MPZL1: variants seen among roughly 807,000 people sequenced by gnomAD.
The protein encoded by MPZL1 is myelin protein zero like 1, also known as myelin protein zero-like protein 1.
Under a neutral mutation model 29.3 loss-of-function variants are expected in MPZL1, and 16 were observed. The ratio of observed to expected loss-of-function variants is 0.55; its 90% CI spans 0.37 to 0.83. The LOEUF (loss-of-function observed/expected upper bound fraction) is 0.83, where lower values mean the gene tolerates loss of function less well. MPZL1 is among the 40% of genes least tolerant of loss of function. MPZL1 has a pLI of 0.00. For missense variants in MPZL1, 279 were observed against 332.9 expected (o/e 0.84, Z 1.26); for synonymous variants, 143 against 132.0 (o/e 1.08, Z -0.57).
intron 2 of MPZL1, among the ~76,000 whole-genome samples, chr1:167,771,315 G>A (rs1164859158): frequency 6.6e-6 from 1 of 152,104 alleles, no homozygotes; most frequent in African/African-American, 2.4e-5. Context: ...TGGGGGTAAG[G>A]TTTATAGATT....
intron 1 of MPZL1, among the ~76,000 whole-genome samples, chr1:167,728,362 C>CTTT (rs71097693): frequency 4.2e-5 from 5 of 117,670 alleles, no homozygotes; most frequent in South Asian, 2.7e-4. Context: ...TTCTTTCTTT[C>CTTT]TTTTTTTTTT....
chr1:167,760,737 G>T (rs1169897551), intron 1 of MPZL1, among the ~76,000 whole-genome samples: 1 of 144,718 alleles, frequency 6.9e-6, no homozygotes, highest in African/African-American at 2.6e-5. Flanking sequence ...TCCAAGCAAA[G>T]TTGAATAGGC....
intron 1 of MPZL1, among the ~76,000 whole-genome samples, chr1:167,741,223 T>G (rs1173293881): frequency 1.4e-5 from 2 of 140,478 alleles, no homozygotes; most frequent in Non-Finnish European, 3.1e-5. Flanking sequence ...GGTTTCGCTA[T>G]GTTGTCCAGG....
chr1:167,773,475 T>C, intron 4 of MPZL1, 107 bp downstream of exon 4: 1 of 1,318,808 alleles, frequency 7.6e-7, no homozygotes, highest in Non-Finnish European at 1.0e-6. Context: ...ACTACTATTT[T>C]CTTTCATGTC....
At chr1:167,736,528 T>C (rs896374839) in intron 1 of MPZL1, among the ~76,000 whole-genome samples, 4 of 152,170 alleles carry the variant, frequency 2.6e-5, no homozygotes, top group Non-Finnish European at 5.9e-5. Context: ...CACTCGCTAT[T>C]GTTATTGCTT....
At chr1:167,761,185 C>T (rs557429471) in intron 1 of MPZL1, among the ~76,000 whole-genome samples, 1 of 152,148 alleles carries the variant, frequency 6.6e-6, no homozygotes, top group African/African-American at 2.4e-5. Context: ...ACAGTTCTTT[C>T]AAGATTGATA....
intron 5 of MPZL1, among the ~76,000 whole-genome samples, chr1:167,779,022 T>C (rs1661432880): frequency 6.6e-6 from 1 of 151,754 alleles, no homozygotes; most frequent in Non-Finnish European, 1.5e-5. Context: ...CTCAGGAGGC[T>C]GAGGCAAGAA....
rs78701706 is a variant in MPZL1 at position 167,736,511 on chromosome 1, G to A, written c.91+14269G>A. Among the ~76,000 whole-genome samples the A allele has an allele frequency of 3.0e-3, 449 of 152,052 alleles. 4 individuals are homozygous for A. Among genetic ancestry groups the A allele is most frequent in the Non-Finnish European group, 4.9e-3 (330 of 67,988 alleles). ...CTCCTCCTCAAACTGTGCTTCCTCC[G>A]GCATGCCACTCGCTATTGTTATTGC... is the stretch of plus-strand genomic sequence containing the variant. On this transcript the variant is annotated intron_variant, in intron 1 of 5. Coordinates refer to ENST00000359523, the MANE Select transcript of MPZL1 (RefSeq NM_003953.6).
intron 2 of MPZL1, among the ~76,000 whole-genome samples, chr1:167,768,000 T>C (rs1420655330): frequency 6.6e-6 from 1 of 152,110 alleles, no homozygotes; most frequent in East Asian, 1.9e-4. Context: ...TCTAGCTTTT[T>C]GTCAGCCTTC....
At chr1:167,728,584 G>A (rs1451397477) in intron 1 of MPZL1, among the ~76,000 whole-genome samples, 3 of 151,882 alleles carry the variant, frequency 2.0e-5, no homozygotes, top group Non-Finnish European at 4.4e-5. Context: ...ATCCCATTAG[G>A]CCTTTATCCA....
chr1:167,753,455 C>T (rs1660797856), intron 1 of MPZL1, among the ~76,000 whole-genome samples: 3 of 152,152 alleles, frequency 2.0e-5, no homozygotes, highest in Admixed American at 1.3e-4. Context: ...TCATTAAAAA[C>T]GTGTCCAAAG....
intron 1 of MPZL1, among the ~76,000 whole-genome samples, chr1:167,739,799 C>A (rs1477119349): frequency 6.6e-6 from 1 of 152,150 alleles, no homozygotes; most frequent in Non-Finnish European, 1.5e-5. Context: ...GCTCTCTTTC[C>A]TTACCCCTCT....
intron 1 of MPZL1, among the ~76,000 whole-genome samples, chr1:167,757,360 A>G (rs1012939839): frequency 6.6e-6 from 1 of 152,200 alleles, no homozygotes; most frequent in Non-Finnish European, 1.5e-5. Context: ...TAAAAAGTAA[A>G]TCTTTTATTG....
intron 2 of MPZL1, among the ~76,000 whole-genome samples, chr1:167,766,668 T>A (rs1238347069): frequency 6.6e-6 from 1 of 152,208 alleles, no homozygotes; most frequent in Non-Finnish European, 1.5e-5. Flanking sequence ...TGAGTTACAT[T>A]GTTGATCACC....
intron 1 of MPZL1, 51 bp downstream of exon 1, chr1:167,722,293 C>T (rs767453893): frequency 1.1e-5 from 13 of 1,232,586 alleles, no homozygotes; most frequent in African/African-American, 9.3e-5. Context: ...GCCCCCGGGC[C>T]CGACACACGC....
At chr1:167,771,757 T>C (rs920433009) in intron 2 of MPZL1, among the ~76,000 whole-genome samples, 2 of 152,076 alleles carry the variant, frequency 1.3e-5, no homozygotes, top group Non-Finnish European at 2.9e-5. Flanking sequence ...CTTAGTACTT[T>C]GGGAGACCAA....
At chr1:167,757,529 G>A (rs1660892414) in intron 1 of MPZL1, among the ~76,000 whole-genome samples, 2 of 152,168 alleles carry the variant, frequency 1.3e-5, no homozygotes, top group Admixed American at 6.5e-5. Context: ...ATTACCAATA[G>A]TGTGTACCTT....
intron 1 of MPZL1, among the ~76,000 whole-genome samples, chr1:167,727,646 T>C (rs550142847): frequency 1.2e-4 from 19 of 152,278 alleles, no homozygotes; most frequent in Non-Finnish European, 2.2e-4. Context: ...TTGAATGATA[T>C]TCCTTTTTTC....
At chr1:167,729,019 A>T (rs189310506) in intron 1 of MPZL1, among the ~76,000 whole-genome samples, 235 of 152,212 alleles carry the variant, frequency 1.5e-3, no homozygotes, top group Non-Finnish European at 1.8e-3. Context: ...TAATCCCAGC[A>T]CTTTGAGAGG....
Sources: gnomAD v4.1 joint callset for allele counts (sites outside exome capture counted in the v4.1 genomes callset) on GRCh38, gnomAD v4.1.1 for gene constraint, MANE v1.5 for transcripts, NCBI Gene and HGNC (gene_info 2026-07-23, HGNC 2026-07-21) for gene names.